The following RBM23 variants were observed in gnomAD, a reference collection of about 807,000 sequenced individuals.
The protein encoded by RBM23 is probable RNA-binding protein 23.
A neutral mutation model predicts 56.2 loss-of-function variants in RBM23; 53 were observed. The observed-to-expected ratio is 0.94, with a 90% CI of 0.76 to 1.19. The LOEUF (loss-of-function observed/expected upper bound fraction) is 1.19. RBM23 is among the 50% of genes most tolerant of loss of function. The pLI, the probability that RBM23 is intolerant of heterozygous loss-of-function variation, is 0.00. For synonymous variants in RBM23, 197 were observed against 198.5 expected (o/e 0.99, Z 0.06); for missense variants, 642 against 590.3 (o/e 1.09, Z -0.91).
chr14:22,903,959 C>T (rs2041068675), intron 10 of RBM23: 7 of 1,325,764 alleles, frequency 5.3e-6, no homozygotes, highest in Non-Finnish European at 4.8e-6. Context: ...CTCCCTCACA[C>T]CCCCAACCTT....
chr14:22,902,438 G>C, intron 10 of RBM23, 56 bp from the exon 11 acceptor site: 1 of 1,578,248 alleles, frequency 6.3e-7, no homozygotes, highest in South Asian at 1.1e-5. Context: ...TGCTCTCAAA[G>C]ACCCAGTAAC....
Position 22,905,385 on chromosome 14 carries a change from G to GC in RBM23, c.523dup (p.Ala175GlyfsTer33). ...CTCCAGATCTCGAGGCCGAATTCGG[G>GC]CAGCTAACTGCATACAGAAAACTGT... On this transcript the variant is annotated frameshift_variant, in exon 7 of 14. Transcript: ENST00000359890. LOFTEE classifies it high-confidence loss of function. 1 of 1,614,154 alleles carries GC rather than the reference G, an allele frequency of 6.2e-7. No homozygotes were observed. Among genetic ancestry groups the GC allele is most frequent in the Non-Finnish European group, 8.5e-7 (1 of 1,180,036 alleles).
At position 22,893,964 on chromosome 14, in the gene RBM23, G is replaced by A. The variant is rs1457060632; in HGVS notation, c.*7766C>T. The stretch of plus-strand genomic sequence containing the variant: ...AGTGCTCAGGATGTTTCCTGGATGG[G>A]GGTCTGTGGATGAAGTCACTCTTAA... On this transcript the variant is annotated 3_prime_UTR_variant, in exon 14 of 14. Coordinates refer to ENST00000359890, the MANE Select transcript of RBM23 (RefSeq NM_001077351.2). The A allele has an allele frequency of 6.6e-6, 1 of 152,130 alleles. No individual in the cohort carries two copies. Among genetic ancestry groups the A allele is most frequent in the Non-Finnish European group, 1.5e-5 (1 of 68,018 alleles). 9.4% of individuals were successfully genotyped at this position (152,130 alleles called of 1,614,324 possible).
At chr14:22,909,027 C>T (rs1380398642) in intron 3 of RBM23, among the ~76,000 whole-genome samples, 1 of 151,646 alleles carries the variant, frequency 6.6e-6, no homozygotes, top group African/African-American at 2.4e-5. Flanking sequence ...ACTACAACCT[C>T]TGCCTCCCAT....
At chr14:22,905,912 G>C in intron 5 of RBM23, 1 of 589,440 alleles carries the variant, frequency 1.7e-6, no homozygotes, top group Non-Finnish European at 3.0e-6. Context: ...ACCATATCTA[G>C]CTCATTTTTG....
rs144004537 is a variant in RBM23 at position 22,907,421 on chromosome 14, C to T, written c.227+912G>A. Among the ~76,000 whole-genome samples, 692 of 152,064 alleles carry T rather than the reference C, an allele frequency of 4.6e-3. 10 individuals carry two copies. Among genetic ancestry groups the T allele is most frequent in the Non-Finnish European group, 5.0e-3 (340 of 67,998 alleles). On this transcript the variant is annotated intron_variant, in intron 4 of 13. Coordinates refer to ENST00000359890, the MANE Select transcript of RBM23 (RefSeq NM_001077351.2). ...CTACAGTGTACAATAATCTATTATA[C>T]ATTTCAAAATAGCTAGTAGAGAATA...
rs552988259 is a variant in RBM23, at chr14:22,905,411, G to A, written c.498C>T (p.Arg166=). Residue 166 remains arginine (R), a synonymous_variant, in exon 7 of 14, where the codon CGC becomes CGT. Coordinates refer to ENST00000359890, the MANE Select transcript of RBM23 (RefSeq NM_001077351.2). ...CAGCTAACTGCATACAGAAAACTGT[G>A]CGGGCATCACGCTCCTCAGGACTCA... ...DNLSPEERDA[R]TVFCMQLAAR... 4 of 1,614,190 alleles carry A rather than the reference G, an allele frequency of 2.5e-6. No homozygotes were observed. The African/African-American group carries it at 5.3e-5, about 22-fold the overall frequency.
At position 22,902,289 on chromosome 14, in the gene RBM23, G is replaced by T; in HGVS notation, c.1024C>A (p.Arg342=). 6.2e-7 allele frequency: 1 copy of T among 1,614,118 alleles called. No homozygotes were observed. The highest frequency in any genetic ancestry group is 8.5e-7 in the Non-Finnish European group (1 of 1,180,024). The change falls in exon 11 of 14, where the codon CGA becomes AGA. Residue 342 remains arginine (R), a synonymous_variant. Coordinates refer to ENST00000359890, the MANE Select transcript of RBM23 (RefSeq NM_001077351.2). ...GTGATGTCTGTGCCACCATCCAGTC[G>T]CTCAGTCACATGGCCAACCCTCATA... ...RPMRVGHVTE[R]LDGGTDITFP... is the part of the protein sequence containing the mutation.
At position 22,902,272 on chromosome 14, in the gene RBM23, T is replaced by C; in HGVS notation, c.1041A>G (p.Thr347=). ...GHVTERLDGG[T]DITFPDGDQE... ...GGTCCCCATCAGGAAAAGTGATGTCTGTGCCACCATCCAGTCGCTCAGTCA... is the reference window on the plus strand; with the variant it reads ...GGTCCCCATCAGGAAAAGTGATGTCCGTGCCACCATCCAGTCGCTCAGTCA... Residue 347 remains threonine, a synonymous_variant, in exon 11 of 14, where the codon ACA becomes ACG. Transcript: ENST00000359890. 1 of 1,614,198 alleles carries C rather than the reference T, an allele frequency of 6.2e-7. No homozygotes were observed. Among genetic ancestry groups the C allele is most frequent in the Non-Finnish European group, 8.5e-7 (1 of 1,180,046 alleles).
intron 3 of RBM23, 88 bp from the exon 4 acceptor site, chr14:22,908,468 C>A: frequency 1.4e-6 from 2 of 1,435,612 alleles, no homozygotes; most frequent in South Asian, 2.5e-5. Context: ...TCTTGGCTCA[C>A]TGCAACCTCC....
rs2040507986 is a variant in RBM23, at chr14:22,901,746, G to A, written c.1317-13C>T. 6.2e-7 allele frequency: 1 copy of A among 1,613,616 alleles called. No individual in the cohort carries two copies. Among genetic ancestry groups the A allele is most frequent in the Non-Finnish European group, 8.5e-7 (1 of 1,179,572 alleles). On this transcript the variant is annotated splice_polypyrimidine_tract_variant and intron_variant, in intron 13 of 13. Coordinates refer to ENST00000359890, the MANE Select transcript of RBM23 (RefSeq NM_001077351.2). ...GCCACTGATTTACCTGTGGAAAGAA[G>A]AGGTAAATGGGAAGCCAAAGGAAAG... is the stretch of plus-strand genomic sequence containing the variant.
intron 9 of RBM23, 52 bp from the exon 10 acceptor site, chr14:22,904,378 A>C: frequency 6.7e-7 from 1 of 1,485,614 alleles, no homozygotes; most frequent in Non-Finnish European, 9.3e-7. Flanking sequence ...CCACATCTTC[A>C]ATCTTTCCTA....
chr14:22,906,432 A>G, intron 4 of RBM23, 64 bp from the exon 5 acceptor site: 1 of 1,567,460 alleles, frequency 6.4e-7, no homozygotes. Flanking sequence ...AAGTGCATAT[A>G]CAACAGTGGT....
At chr14:22,904,539 G>A (rs563921992) in intron 9 of RBM23, among the ~76,000 whole-genome samples, 33 of 143,654 alleles carry the variant, frequency 2.3e-4, no homozygotes, top group African/African-American at 8.2e-4. Flanking sequence ...TTTTTTTTCC[G>A]AGGCTCACTA....
chr14:22,905,569 C>T (rs1051100003), intron 6 of RBM23, 37 bp downstream of exon 6: 12 of 1,603,230 alleles, frequency 7.5e-6, no homozygotes, highest in Non-Finnish European at 1.0e-5. Flanking sequence ...TTATTCATAC[C>T]TCACAATCCC....
chr14:22,906,229 G>C lies in RBM23; in HGVS notation c.367C>G (p.Arg123Gly), dbSNP rs553269433. 6.2e-7 allele frequency: 1 copy of C among 1,614,224 alleles called. No individual in the cohort carries two copies. Among genetic ancestry groups the C allele is most frequent in the South Asian group, 1.1e-5 (1 of 91,086 alleles). The change falls in exon 5 of 14, where the codon CGT becomes GGT. Residue 123 changes from arginine to glycine, a missense_variant. Arg to Gly is a moderately radical substitution (Grantham distance 125, BLOSUM62 -2). Coordinates refer to ENST00000359890, the MANE Select transcript of RBM23 (RefSeq NM_001077351.2). ...AGTGGAGGACTCCTGTAATGCACAC[G>C]ATCCTCACGACGATGGTCCCGACTT... is the stretch of plus-strand genomic sequence containing the variant. Reference protein sequence around the residue: ...SRSRDHRREDRVHYRSPPLAT... With the variant: ...SRSRDHRREDGVHYRSPPLAT...
Position 22,903,101 on chromosome 14 carries a change from G to A in RBM23, c.931-719C>T. 3.0e-6 allele frequency: 3 copies of A among 985,392 alleles called. No individual in the cohort carries two copies. The South Asian group carries it at 1.4e-4, about 46-fold the overall frequency. The allele number at this position is 985,392 out of a possible 1,614,324, so 61.0% of individuals were successfully genotyped here. A position where few individuals can be genotyped will look rare whatever the true frequency, so the allele number is the denominator to read the frequency against. On this transcript the variant is annotated intron_variant, in intron 10 of 13. Transcript: ENST00000359890. ...CTGGCCAAATTTTAGTTAAGTACTA[G>A]GAATCTGGAACTCCTAATTCCAGGC... is the stretch of plus-strand genomic sequence containing the variant.
rs2041350378 is a variant in RBM23, at chr14:22,905,353, A to C, written c.556T>G (p.Phe186Val). 3.7e-6 allele frequency: 6 copies of C among 1,614,154 alleles called. No homozygotes were observed. The East Asian group carries it at 1.1e-4, about 30-fold the overall frequency. Residue 186 changes from phenylalanine (F) to valine (V), a missense_variant, in exon 7 of 14, where the codon TTC becomes GTC. Physicochemically the swap from Phe to Val is conservative, Grantham distance 50 (BLOSUM62 -1). Coordinates refer to ENST00000359890, the MANE Select transcript of RBM23 (RefSeq NM_001077351.2). ...AGGGTTACCTTGCCTACAGCAGAGA[A>C]AAAGTCCTCCAGATCTCGAGGCCGA... ...RIRPRDLEDF[F>V]SAVGKVRDVR...
At chr14:22,902,714 C>T (rs1256849951) in intron 10 of RBM23, 1 of 1,023,602 alleles carries the variant, frequency 9.8e-7, no homozygotes, top group South Asian at 4.5e-5. Context: ...GAACAAGGCT[C>T]CTGGGCTTTT....
Sources: gnomAD v4.1 joint callset for allele counts (sites outside exome capture counted in the v4.1 genomes callset) on GRCh38, gnomAD v4.1.1 for gene constraint, MANE v1.5 for transcripts, NCBI Gene and HGNC (gene_info 2026-07-23, HGNC 2026-07-21) for gene names.